SNX18: variants seen among roughly 807,000 people sequenced by gnomAD.
The protein encoded by SNX18 is sorting nexin 18, also known as sorting nexin-18.
Under a neutral mutation model 48.7 loss-of-function variants are expected in SNX18, and 35 were observed. The observed-to-expected ratio is 0.72, with a 90% confidence interval of 0.55 to 0.95. The LOEUF is 0.95. SNX18 is among the 40% of genes least tolerant of loss of function. The pLI is 0.00. For missense variants in SNX18, 824 were observed against 871.0 expected (o/e 0.95, Z 0.68); for synonymous variants, 492 against 384.7 (o/e 1.28, Z -3.26).
downstream of SNX18, among the ~76,000 whole-genome samples, chr5:54,547,155 T>C (rs1469628425): frequency 6.6e-6 from 1 of 152,202 alleles, no homozygotes; most frequent in Non-Finnish European, 1.5e-5. Context: ...CATCTTTTAC[T>C]TCACAAATAT....
chr5:54,586,397 C>A, the SNX18 span, among the ~76,000 whole-genome samples: 1 of 151,982 alleles, frequency 6.6e-6, no homozygotes, highest in Admixed American at 6.6e-5. Flanking sequence ...TATATTAGTC[C>A]ATTTTCTGCT....
At chr5:54,647,967 T>C in the SNX18 span, among the ~76,000 whole-genome samples, 1 of 150,942 alleles carries the variant, frequency 6.6e-6, no homozygotes, top group Non-Finnish European at 1.5e-5. Context: ...TGCTGGTGTG[T>C]GCGGAATTGG....
At chr5:54,646,661 G>A in the SNX18 span, among the ~76,000 whole-genome samples, 1 of 152,188 alleles carries the variant, frequency 6.6e-6, no homozygotes, top group Non-Finnish European at 1.5e-5. Context: ...TGCAGGAAAA[G>A]CACTCCCCAA....
chr5:54,536,745 A>G (rs1762364479), intron 1 of SNX18, among the ~76,000 whole-genome samples: 1 of 152,220 alleles, frequency 6.6e-6, no homozygotes, highest in African/African-American at 2.4e-5. Flanking sequence ...ATATATACCC[A>G]GTAATGGGAT....
At chr5:54,520,254 C>G (rs1223610903) in intron 1 of SNX18, 3 of 183,684 alleles carry the variant, frequency 1.6e-5, no homozygotes, top group Non-Finnish European at 2.6e-5. Flanking sequence ...AGTATTGGAT[C>G]TGAGAGCAGC....
rs899901213 is a variant in SNX18, at chr5:54,519,455, C to A, written c.1503C>A (p.Asp501Glu). The A allele has an allele frequency of 2.0e-5, 32 of 1,614,048 alleles. No homozygotes were observed. The highest frequency in any genetic ancestry group is 2.7e-5 in the African/African-American group (2 of 74,944). The change falls in exon 1 of 2, where the codon GAC (aspartate) becomes GAA (glutamate). Residue 501 changes from aspartate (D) to glutamate (E), a missense_variant. Asp to Glu is a conservative substitution (Grantham distance 45). This residue lies in a region of SNX18 where 443 missense variants were observed against 503.6 expected (regional missense o/e 0.88). Transcript: ENST00000381410. ...TCGCCTTCACCGGAGATGCCTATGA[C>A]GCCATTGGCGAGCTCTTCGCGGAGC... ...QAIAFTGDAYDAIGELFAEQP... is the reference protein window; with the variant it reads ...QAIAFTGDAYEAIGELFAEQP...
chr5:54,546,192 A>G lies in SNX18; in HGVS notation c.*2760A>G, dbSNP rs951935908. On this transcript the variant is annotated 3_prime_UTR_variant, in exon 2 of 2. Transcript: ENST00000381410. ...CAGTTGTTTTGCATTTATTCACAAT[A>G]ATACAGCAGATTCTTAAATGCCGAT... 6.6e-6 allele frequency: 1 copy of G among 152,244 alleles called. No individual in the cohort carries two copies. Among genetic ancestry groups the G allele is most frequent in the Non-Finnish European group, 1.5e-5 (1 of 68,040 alleles). The allele number at this position is 152,244 out of a possible 1,614,324, so 9.4% of individuals were successfully genotyped here.
At chr5:54,559,313 A>C in the SNX18 span, among the ~76,000 whole-genome samples, 2 of 152,228 alleles carry the variant, frequency 1.3e-5, no homozygotes, top group South Asian at 4.1e-4. Flanking sequence ...ATGCTACCCA[A>C]CTTCAAATTA....
chr5:54,631,446 C>G, the SNX18 span, among the ~76,000 whole-genome samples: 1 of 151,746 alleles, frequency 6.6e-6, no homozygotes, highest in East Asian at 1.9e-4. Flanking sequence ...TTTGGTAATG[C>G]TTTTTCTTTT....
chr5:54,611,942 A>G, the SNX18 span, among the ~76,000 whole-genome samples: 1 of 151,782 alleles, frequency 6.6e-6, no homozygotes, highest in Non-Finnish European at 1.5e-5. Flanking sequence ...CAGTAGCACA[A>G]TCATAACTCA....
At chr5:54,616,364 T>C in the SNX18 span, among the ~76,000 whole-genome samples, 1 of 150,348 alleles carries the variant, frequency 6.7e-6, no homozygotes, top group Non-Finnish European at 1.5e-5. Flanking sequence ...GTGGTTCTTA[T>C]CTATTTAATA....
chr5:54,543,574 A>T lies in SNX18; in HGVS notation c.*142A>T, dbSNP rs1176396426. ...GTTCATCTGAAACCCAGCTGAATTT[A>T]TAATTATGTAGGAAATAAACAGTTA... On this transcript the variant is annotated 3_prime_UTR_variant, in exon 2 of 2. Transcript: ENST00000381410. 2.3e-5 allele frequency: 21 copies of T among 910,160 alleles called. No homozygotes were observed. The Admixed American group carries it at 5.5e-4, about 24-fold the overall frequency. The allele number at this position is 910,160 out of a possible 1,614,324, so 56.4% of individuals were successfully genotyped here. A position where few individuals can be genotyped will look rare whatever the true frequency, so the allele number is the denominator to read the frequency against.
the SNX18 span, among the ~76,000 whole-genome samples, chr5:54,581,402 T>C: frequency 6.6e-6 from 1 of 152,030 alleles, no homozygotes; most frequent in Non-Finnish European, 1.5e-5. Context: ...CTCTGGGGTT[T>C]TAGATTCCAG....
chr5:54,519,688 C>G (rs1044316604), intron 1 of SNX18, 115 bp downstream of exon 1: 4 of 1,614,150 alleles, frequency 2.5e-6, no homozygotes, highest in Admixed American at 1.7e-5. Flanking sequence ...GGTGAGGAAG[C>G]GAGCAGAGAC....
intron 1 of SNX18, among the ~76,000 whole-genome samples, chr5:54,522,518 T>G (rs1412521503): frequency 6.6e-6 from 1 of 152,200 alleles, no homozygotes; most frequent in Non-Finnish European, 1.5e-5. Flanking sequence ...TATTTTTACT[T>G]GGTCATCTCA....
chr5:54,585,306 A>C, the SNX18 span, among the ~76,000 whole-genome samples: 3 of 152,010 alleles, frequency 2.0e-5, no homozygotes, highest in Non-Finnish European at 4.4e-5. Context: ...AGAAAAAAAA[A>C]AAAAAAACAG....
At chr5:54,569,150 T>G in the SNX18 span, among the ~76,000 whole-genome samples, 10 of 152,174 alleles carry the variant, frequency 6.6e-5, no homozygotes, top group East Asian at 1.9e-3. Flanking sequence ...ACCACATTTT[T>G]TTTTTCCAAA....
rs1055672029 is a variant in SNX18 at position 54,531,074 on chromosome 5, C to T, written c.1621+11501C>T. ...ATCCAAACCACAGAAATTTAAACTGCGAGTTCCTGGAAGCATCCTTCACTG... is the reference window on the plus strand; with the variant it reads ...ATCCAAACCACAGAAATTTAAACTGTGAGTTCCTGGAAGCATCCTTCACTG... On this transcript the variant is annotated intron_variant, in intron 1 of 1. Transcript: ENST00000381410. 3.3e-5 allele frequency among the ~76,000 whole-genome samples: 5 copies of T among 152,134 alleles called. No individual in the cohort carries two copies. The South Asian group carries it at 8.3e-4, about 25-fold the overall frequency.
chr5:54,604,235 A>G, the SNX18 span, among the ~76,000 whole-genome samples: 14 of 152,338 alleles, frequency 9.2e-5, no homozygotes, highest in East Asian at 2.3e-3. Flanking sequence ...AAAGTTAAAC[A>G]TAGAATTACC....
Sources: allele counts gnomAD v4.1 joint callset (sites outside exome capture counted in the v4.1 genomes callset), GRCh38; gene constraint gnomAD v4.1.1; regional missense constraint gnomAD v4.1.1; transcripts MANE v1.5; gene names NCBI Gene and HGNC (gene_info 2026-07-23, HGNC 2026-07-21).